Variants in RNMT observed in about 807,000 individuals in gnomAD.
The protein encoded by RNMT is RNA guanine-7 methyltransferase.
RNMT carries 27 observed loss-of-function variants against 56.0 expected under a neutral mutation model. That is an observed-to-expected ratio of 0.48 (90% CI 0.36 to 0.67). RNMT has a LOEUF of 0.67. Among genes scored for constraint, RNMT ranks in the 30% least tolerant of loss-of-function variants. The pLI is 0.00. For synonymous variants in RNMT, 184 were observed against 176.2 expected (o/e 1.04, Z -0.35); for missense variants, 519 against 552.1 (o/e 0.94, Z 0.60).
intron 9 of RNMT, among the ~76,000 whole-genome samples, chr18:13,750,537 C>CA (rs1200619999): frequency 6.6e-6 from 1 of 152,068 alleles, no homozygotes; most frequent in African/African-American, 2.4e-5. Flanking sequence ...TGGTGGTTCA[C>CA]ACCTGTGATC....
chr18:13,731,911 G>A lies in RNMT; in HGVS notation c.394G>A (p.Glu132Lys). The change falls in exon 3 of 12, where the codon GAG (glutamate) becomes AAG (lysine). Residue 132 changes from glutamate to lysine, a missense_variant. Physicochemically the swap from Glu to Lys is moderately conservative, Grantham distance 56 (BLOSUM62 1). Transcript: ENST00000383314. ...TCAAAATAAGAGAAAAATAGCACTTGAGGATGTTCCTGAAAAGCAGAAAGT... is the reference window on the plus strand; with the variant it reads ...TCAAAATAAGAGAAAAATAGCACTTAAGGATGTTCCTGAAAAGCAGAAAGT... ...GTQNKRKIAL[E>K]DVPEKQKNLE... 2 of 1,594,814 alleles carry A rather than the reference G, an allele frequency of 1.3e-6. No homozygotes were observed. The highest frequency in any genetic ancestry group is 1.7e-6 in the Non-Finnish European group (2 of 1,175,194).
chr18:13,737,238 T>C (rs2044176133), intron 5 of RNMT, 103 bp downstream of exon 5: 2 of 1,072,624 alleles, frequency 1.9e-6, no homozygotes, highest in Non-Finnish European at 2.6e-6. Flanking sequence ...ATGCATGAGA[T>C]GGGTTTTTTT....
rs2044074455 is a variant in RNMT, at chr18:13,731,781, T to C, written c.264T>C (p.Ile88=). The change falls in exon 3 of 12, where the codon ATT becomes ATC. Residue 88 remains isoleucine, a synonymous_variant. Coordinates refer to ENST00000383314, the MANE Select transcript of RNMT (RefSeq NM_003799.3). ...PSKKRKLDPE[I]VPEEKDCGDA... Reference sequence around the variant, plus strand: ...AGAAGAGAAAACTTGATCCTGAAATTGTCCCAGAGGAAAAAGATTGTGGTG... The same window carrying C: ...AGAAGAGAAAACTTGATCCTGAAATCGTCCCAGAGGAAAAAGATTGTGGTG... 1 of 1,612,888 alleles carries C rather than the reference T, an allele frequency of 6.2e-7. No individual in the cohort carries two copies. Among genetic ancestry groups the C allele is most frequent in the South Asian group, 1.1e-5 (1 of 90,652 alleles).
chr18:13,746,266 C>G lies in RNMT; in HGVS notation c.1186C>G (p.Leu396Val). The stretch of plus-strand genomic sequence containing the variant: ...GAAACTAGTCTACAAAAAAACATTT[C>G]TGGAATTCTACGAAGAAAAGATTAA... The part of the protein sequence containing the change: ...NMKLVYKKTF[L>V]EFYEEKIKNN... The change falls in exon 9 of 12, where the codon CTG (leucine) becomes GTG (valine). Residue 396 changes from leucine (L) to valine (V), a missense_variant. Leu to Val is a conservative substitution (Grantham distance 32). Transcript: ENST00000383314. 6.3e-7 allele frequency: 1 copy of G among 1,575,270 alleles called. No homozygotes were observed. Among genetic ancestry groups the G allele is most frequent in the African/African-American group, 1.4e-5 (1 of 73,282 alleles).
chr18:13,759,966 A>G lies in RNMT; in HGVS notation c.1418A>G (p.Glu473Gly). 1 of 1,613,342 alleles carries G rather than the reference A, an allele frequency of 6.2e-7. No homozygotes were observed. Among genetic ancestry groups the G allele is most frequent in the East Asian group, 2.2e-5 (1 of 44,854 alleles). ...ATSIYLVFAF[E>G]KQQ ...GGTATTTACTTGGTGTTTGCCTTTG[A>G]GAAACAGCAGTGAGCACATAGGCAG... is the stretch of plus-strand genomic sequence containing the variant. The change falls in exon 12 of 12, where the codon GAG becomes GGG. Residue 473 changes from glutamate to glycine, a missense_variant. Physicochemically the swap from Glu to Gly is moderately conservative, Grantham distance 98. Coordinates refer to ENST00000383314, the MANE Select transcript of RNMT (RefSeq NM_003799.3).
At chr18:13,739,373 A>C (rs890248142) in intron 5 of RNMT, among the ~76,000 whole-genome samples, 2 of 152,222 alleles carry the variant, frequency 1.3e-5, no homozygotes, top group African/African-American at 4.8e-5. Flanking sequence ...CTCCCCCTGC[A>C]TATTGTATAG....
chr18:13,743,569 C>T (rs569280013), intron 8 of RNMT, among the ~76,000 whole-genome samples: 1 of 152,104 alleles, frequency 6.6e-6, no homozygotes, highest in South Asian at 2.1e-4. Flanking sequence ...TGGGCCTTAC[C>T]AGGTAAGGCT....
chr18:13,752,407 A>T lies in RNMT; in HGVS notation c.1339A>T (p.Ser447Cys). The T allele has an allele frequency of 1.2e-6, 2 of 1,608,664 alleles. No individual in the cohort carries two copies. Among genetic ancestry groups the T allele is most frequent in the African/African-American group, 2.7e-5 (2 of 74,938 alleles). The change falls in exon 10 of 12, where the codon AGT (serine) becomes TGT (cysteine). Residue 447 changes from serine (S) to cysteine (C), a missense_variant. Coordinates refer to ENST00000383314, the MANE Select transcript of RNMT (RefSeq NM_003799.3). ...YEHAAKYMKN[S>C]QVRLPLGTLS... ...ACATGCAGCAAAGTACATGAAGAAC[A>T]GTCAAGTAAGGTTACCTTTGGTAAG... is the stretch of plus-strand genomic sequence containing the variant.
At chr18:13,755,143 G>A (rs2044521576) in intron 11 of RNMT, among the ~76,000 whole-genome samples, 1 of 152,164 alleles carries the variant, frequency 6.6e-6, no homozygotes, top group South Asian at 2.1e-4. Flanking sequence ...GAAAGGTAAA[G>A]TAAAATAAAG....
At chr18:13,727,880 A>G (rs1401335008) in intron 1 of RNMT, among the ~76,000 whole-genome samples, 2 of 152,244 alleles carry the variant, frequency 1.3e-5, no homozygotes, top group African/African-American at 4.8e-5. Flanking sequence ...TTCAGTTAAC[A>G]TAATGACATC....
rs1187983678 is a variant in RNMT, at chr18:13,762,734, C to T, written c.*2755C>T. On this transcript the variant is annotated 3_prime_UTR_variant, in exon 12 of 12. Transcript: ENST00000383314. The stretch of plus-strand genomic sequence containing the variant: ...ATCATAGAAAAGAAGACAAAGCTTG[C>T]TCAGCCATGAGATGGCCAGGTATCC... The T allele has an allele frequency of 3.9e-6, 1 of 255,878 alleles. No individual in the cohort carries two copies. The allele number at this position is 255,878 out of a possible 1,614,324, so 15.9% of individuals were successfully genotyped here. A position where few individuals can be genotyped will look rare whatever the true frequency, so the allele number is the denominator to read the frequency against.
chr18:13,758,227 C>G (rs2044574417), intron 11 of RNMT, among the ~76,000 whole-genome samples: 1 of 152,230 alleles, frequency 6.6e-6, no homozygotes, highest in African/African-American at 2.4e-5. Flanking sequence ...CTTAAAGTCA[C>G]TAGCAGCATT....
At chr18:13,735,263 T>C (rs1602002081) in intron 4 of RNMT, among the ~76,000 whole-genome samples, 1 of 152,288 alleles carries the variant, frequency 6.6e-6, no homozygotes, top group East Asian at 1.9e-4. Flanking sequence ...GCTTTCTTAA[T>C]TATGCTAGAA....
chr18:13,762,354 C>A lies in RNMT; in HGVS notation c.*2375C>A. On this transcript the variant is annotated 3_prime_UTR_variant, in exon 12 of 12. Transcript: ENST00000383314. ...AGGGAGAGGAGCTGGCAGTTTTTAA[C>A]CACTTCTGTGGGAGCCGTGTTCTAA... is the stretch of plus-strand genomic sequence containing the variant. 3.2e-6 allele frequency: 2 copies of A among 619,056 alleles called. No homozygotes were observed. Among genetic ancestry groups the A allele is most frequent in the Non-Finnish European group, 5.5e-6 (2 of 365,410 alleles). The allele number at this position is 619,056 out of a possible 1,614,324, so 38.3% of individuals were successfully genotyped here.
intron 11 of RNMT, among the ~76,000 whole-genome samples, chr18:13,758,143 A>G (rs1375150065): frequency 6.6e-6 from 1 of 152,248 alleles, no homozygotes; most frequent in African/African-American, 2.4e-5. Flanking sequence ...TTTATAGAGC[A>G]TGAGCAGAGC....
rs189477934 is a variant in RNMT at position 13,731,145 on chromosome 18, G to A, written c.-42-331G>A. Among the ~76,000 whole-genome samples, 441 of 152,256 alleles carry A rather than the reference G, an allele frequency of 2.9e-3. 2 individuals are homozygous for A. Among genetic ancestry groups the A allele is most frequent in the African/African-American group, 0.01 (420 of 41,564 alleles). The stretch of plus-strand genomic sequence containing the variant: ...TTTTAGGCCAGGCGCAGTGGCTTAC[G>A]CCTGTAATCCCAGCACTTTGGGAGG... On this transcript the variant is annotated intron_variant, in intron 2 of 11. Coordinates refer to ENST00000383314, the MANE Select transcript of RNMT (RefSeq NM_003799.3).
intron 1 of RNMT, among the ~76,000 whole-genome samples, chr18:13,729,643 G>A (rs1292779061): frequency 6.6e-6 from 1 of 152,114 alleles, no homozygotes; most frequent in Non-Finnish European, 1.5e-5. Flanking sequence ...CTCAAATGGT[G>A]GGTCATGAAA....
chr18:13,739,873 A>G (rs2044224047), intron 5 of RNMT, among the ~76,000 whole-genome samples: 1 of 152,228 alleles, frequency 6.6e-6, no homozygotes, highest in Admixed American at 6.5e-5. Context: ...TGATAGTGTT[A>G]GGTTTTATAA....
intron 1 of RNMT, among the ~76,000 whole-genome samples, chr18:13,727,982 A>G (rs1230355506): frequency 6.6e-6 from 1 of 152,100 alleles, no homozygotes; most frequent in Non-Finnish European, 1.5e-5. Flanking sequence ...ATCTTTATTC[A>G]TCTGTTGATG....
Sources: allele counts gnomAD v4.1 joint callset (sites outside exome capture counted in the v4.1 genomes callset), GRCh38; gene constraint gnomAD v4.1.1; transcripts MANE v1.5; gene names NCBI Gene and HGNC (gene_info 2026-07-23, HGNC 2026-07-21).